The following MAP2K5 variants were observed in gnomAD, a reference collection of about 807,000 sequenced individuals.
MAP2K5 encodes mitogen-activated protein kinase kinase 5.
A neutral mutation model predicts 83.1 loss-of-function variants in MAP2K5; 49 were observed. That is an observed-to-expected ratio of 0.59 (90% CI 0.47 to 0.75). The LOEUF (loss-of-function observed/expected upper bound fraction) is 0.75, where lower values mean the gene tolerates loss of function less well. Ranked by LOEUF, MAP2K5 falls within the 30% of genes least tolerant of loss-of-function variation. MAP2K5 has a pLI of 0.00. For synonymous variants in MAP2K5, 202 were observed against 191.8 expected (o/e 1.05, Z -0.44); for missense variants, 457 against 557.5 (o/e 0.82, Z 1.82).
chr15:67,588,888 T>G (rs1019638350), intron 6 of MAP2K5, among the ~76,000 whole-genome samples: 1 of 152,236 alleles, frequency 6.6e-6, no homozygotes, highest in African/African-American at 2.4e-5. Flanking sequence ...CAATCACAGC[T>G]CGCTGCAGCC....
chr15:67,791,963 T>C (rs1195069065), intron 21 of MAP2K5, among the ~76,000 whole-genome samples: 3 of 152,058 alleles, frequency 2.0e-5, no homozygotes, highest in Non-Finnish European at 4.4e-5. Context: ...ACAAAGCATA[T>C]AAAAGTCAGG....
chr15:67,583,064 A>T (rs1022812565), intron 4 of MAP2K5, among the ~76,000 whole-genome samples: 9 of 152,184 alleles, frequency 5.9e-5, no homozygotes, highest in African/African-American at 1.9e-4. Flanking sequence ...ACGCATCATC[A>T]TCTGTAATCC....
intron 8 of MAP2K5, among the ~76,000 whole-genome samples, chr15:67,608,479 G>A (rs1197092177): frequency 6.6e-6 from 1 of 152,140 alleles, no homozygotes; most frequent in African/African-American, 2.4e-5. Context: ...CTGTTCTCAG[G>A]TATGCACAGG....
intron 3 of MAP2K5, among the ~76,000 whole-genome samples, chr15:67,578,504 C>G (rs1202311958): frequency 1.3e-5 from 2 of 152,086 alleles, no homozygotes; most frequent in Admixed American, 6.5e-5. Flanking sequence ...AGACACAGAT[C>G]AAATGCAGTA....
Position 67,565,873 on chromosome 15 carries a change from G to A in MAP2K5, c.252+2523G>A, listed in dbSNP as rs1347502324. Among the ~76,000 whole-genome samples, 3 of 151,922 alleles carry A rather than the reference G, an allele frequency of 2.0e-5. No individual in the cohort carries two copies. Among genetic ancestry groups the A allele is most frequent in the African/African-American group, 4.8e-5 (2 of 41,350 alleles). ...GGTCCTCCTGCCTCAGCCTCCCAAG[G>A]TGCTGGAATTACAGGCGTGAGCCAA... is the stretch of plus-strand genomic sequence containing the variant. On this transcript the variant is annotated intron_variant, in intron 3 of 21. Coordinates refer to ENST00000178640, the MANE Select transcript of MAP2K5 (RefSeq NM_145160.3). This position sits in a 1 kb window ranked among gnomAD's most constrained non-coding sequence, Gnocchi z 4.1.
At chr15:67,626,458 C>G (rs915686065) in intron 8 of MAP2K5, among the ~76,000 whole-genome samples, 5 of 151,884 alleles carry the variant, frequency 3.3e-5, no homozygotes, top group Non-Finnish European at 7.4e-5. Flanking sequence ...ACCTGGGTTT[C>G]GGAGGATGCA....
Position 67,563,197 on chromosome 15 carries a change from C to A in MAP2K5, c.185-86C>A. The A allele has an allele frequency of 1.4e-6, 2 of 1,449,766 alleles. No individual in the cohort carries two copies. The highest frequency in any genetic ancestry group is 2.4e-5 in the East Asian group (1 of 41,218). 89.8% of individuals were successfully genotyped at this position (1,449,766 alleles called of 1,614,324 possible). A position where few individuals can be genotyped will look rare whatever the true frequency, so the allele number is the denominator to read the frequency against. ...TGTGGTGTTGAGGGTTAGAATATCA[C>A]ATTGTAATAAACCGTTTATATTATG... On this transcript the variant is annotated intron_variant, in intron 2 of 21. Coordinates refer to ENST00000178640, the MANE Select transcript of MAP2K5 (RefSeq NM_145160.3). The surrounding 1 kb of genome is among the most constrained non-coding windows in gnomAD (Gnocchi z 4.5).
At chr15:67,713,507 G>A (rs1033612561) in intron 16 of MAP2K5, among the ~76,000 whole-genome samples, 15 of 152,322 alleles carry the variant, frequency 9.8e-5, no homozygotes, top group African/African-American at 2.9e-4. Context: ...AGGCCGAGGC[G>A]GGTTGATCAC....
chr15:67,624,846 G>T lies in MAP2K5; in HGVS notation c.546-6042G>T, dbSNP rs533240983. 1.3e-3 allele frequency among the ~76,000 whole-genome samples: 194 copies of T among 152,252 alleles called. 2 individuals are homozygous for T. The highest frequency in any genetic ancestry group is 3.4e-3 in the Middle Eastern group (1 of 294). On this transcript the variant is annotated intron_variant, in intron 8 of 21. Transcript: ENST00000178640. The stretch of plus-strand genomic sequence containing the variant: ...GGGTTTCACTATGTTGGCCAGGCTG[G>T]TCTTGAACTCCTGACCTCAGGTGAT...
chr15:67,771,526 CA>C (rs2090141953), intron 20 of MAP2K5, among the ~76,000 whole-genome samples: 5 of 152,074 alleles, frequency 3.3e-5, no homozygotes, highest in Admixed American at 3.3e-4. Flanking sequence ...GATGTCAAGC[CA>C]AAACAGAAAT....
At chr15:67,743,667 G>T (rs944796889) in intron 17 of MAP2K5, among the ~76,000 whole-genome samples, 9 of 152,116 alleles carry the variant, frequency 5.9e-5, no homozygotes, top group African/African-American at 2.2e-4. Flanking sequence ...TCTGAGATAT[G>T]GACACTTTGT....
chr15:67,651,678 A>G (rs987667558), intron 11 of MAP2K5, among the ~76,000 whole-genome samples: 2 of 152,242 alleles, frequency 1.3e-5, no homozygotes, highest in Admixed American at 6.5e-5. Context: ...ATTCTTGCAA[A>G]TAATAGGATT....
intron 11 of MAP2K5, among the ~76,000 whole-genome samples, chr15:67,654,712 A>C (rs1041107273): frequency 1.3e-5 from 2 of 152,124 alleles, no homozygotes; most frequent in African/African-American, 4.8e-5. Context: ...AGGGATTACA[A>C]TTAACTTCTT....
intron 4 of MAP2K5, among the ~76,000 whole-genome samples, chr15:67,582,122 T>G (rs1334317153): frequency 2.8e-5 from 4 of 144,298 alleles, no homozygotes; most frequent in Non-Finnish European, 6.0e-5. Context: ...AGTGCAGTGG[T>G]GCAATCTCAG....
chr15:67,806,708 C>G lies in MAP2K5; in HGVS notation c.1305C>G (p.Cys435Trp). The G allele has an allele frequency of 6.4e-7, 1 of 1,551,992 alleles. No homozygotes were observed. The highest frequency in any genetic ancestry group is 8.7e-7 in the Non-Finnish European group (1 of 1,147,930). Reference sequence around the variant, plus strand: ...CCGCCGTGGTGTCCATGTGGGTGTGCCGGGCGCTGGAGGAGAGGCGGAGCC... The same window carrying G: ...CCGCCGTGGTGTCCATGTGGGTGTGGCGGGCGCTGGAGGAGAGGCGGAGCC... ...GNAAVVSMWV[C>W]RALEERRSQQ... Residue 435 changes from cysteine to tryptophan, a missense_variant, in exon 22 of 22, where the codon TGC becomes TGG. Transcript: ENST00000178640.
chr15:67,730,660 G>C (rs1417517172), intron 17 of MAP2K5, among the ~76,000 whole-genome samples: 2 of 152,192 alleles, frequency 1.3e-5, no homozygotes, highest in Non-Finnish European at 2.9e-5. Context: ...TCACTAGTCT[G>C]ATCCTAGAAC....
chr15:67,635,618 G>A (rs2086586238), intron 9 of MAP2K5, among the ~76,000 whole-genome samples: 1 of 152,114 alleles, frequency 6.6e-6, no homozygotes, highest in African/African-American at 2.4e-5. Context: ...CTGTCTGAAT[G>A]ACTTCTTCCT....
In MAP2K5 at chr15:67,806,658, A is replaced by G; in HGVS notation, c.1255A>G (p.Ile419Val). The G allele has an allele frequency of 9.0e-6, 14 of 1,550,922 alleles. No homozygotes were observed. The highest frequency in any genetic ancestry group is 1.4e-5 in the African/African-American group (1 of 73,188). Residue 419 changes from isoleucine to valine, a missense_variant, in exon 22 of 22, where the codon ATC becomes GTC. Ile to Val is a conservative substitution (Grantham distance 29, BLOSUM62 3). This residue lies in a region of MAP2K5 where 55 missense variants were observed against 50.9 expected (regional missense o/e 1.08). Coordinates refer to ENST00000178640, the MANE Select transcript of MAP2K5 (RefSeq NM_145160.3). ...CTCTTCCCCGCAGGGCCACCCGTTCATCGTGCAGTTCAATGATGGAAATGC... is the reference window on the plus strand; with the variant it reads ...CTCTTCCCCGCAGGGCCACCCGTTCGTCGTGCAGTTCAATGATGGAAATGC... ...APEELMGHPF[I>V]VQFNDGNAAV...
At chr15:67,634,398 A>AAAAAAAAAAAAAAAAAAAAC (rs2086551131) in intron 9 of MAP2K5, among the ~76,000 whole-genome samples, 1 of 125,214 alleles carries the variant, frequency 8.0e-6, no homozygotes, top group Non-Finnish European at 1.7e-5. Context: ...AAAAAAAAAA[A>AAAAAAAAAAAAAAAAAAAAC]AAAAAAAAAA....
Sources: gnomAD v4.1 joint callset for allele counts (sites outside exome capture counted in the v4.1 genomes callset) on GRCh38, gnomAD v4.1.1 for gene constraint, gnomAD v4.1.1 regional missense constraint, Gnocchi (gnomAD v3.1) non-coding constraint, MANE v1.5 for transcripts, NCBI Gene and HGNC (gene_info 2026-07-23, HGNC 2026-07-21) for gene names.